Variants in RNF228 observed in about 807,000 individuals in gnomAD.
RNF228 encodes the protein ring finger protein 228.
chr2:222,317,479 T>A, the RNF228 span: 1 of 152,204 alleles, frequency 6.6e-6, no homozygotes, highest in African/African-American at 2.4e-5. Flanking sequence ...GATTCTGTGA[T>A]TTTTAAGCAT....
chr2:222,314,765 C>T, the RNF228 span, among the ~76,000 whole-genome samples: 26 of 152,308 alleles, frequency 1.7e-4, no homozygotes, highest in Middle Eastern at 3.4e-3. Context: ...TTTATTAAAA[C>T]GGCAAAGATT....
At chr2:222,316,767 A>G in the RNF228 span, among the ~76,000 whole-genome samples, 1 of 152,234 alleles carries the variant, frequency 6.6e-6, no homozygotes, top group Non-Finnish European at 1.5e-5. Context: ...CACTTGTGCA[A>G]CTCAACAGTT....
chr2:222,318,326 C>G, the RNF228 span: 1 of 152,314 alleles, frequency 6.6e-6, no homozygotes. Context: ...TCGGCCACTC[C>G]GAGTCGGCTC....
At chr2:222,319,747 G>A in the RNF228 span, among the ~76,000 whole-genome samples, 2 of 145,910 alleles carry the variant, frequency 1.4e-5, no homozygotes, top group East Asian at 4.0e-4. This position sits in a 1 kb window ranked among gnomAD's most constrained non-coding sequence, Gnocchi z 7.6. Context: ...GGCGGGCGCG[G>A]CGGGCGCTCA....
chr2:222,317,208 A>G, the RNF228 span: 1 of 152,230 alleles, frequency 6.6e-6, no homozygotes, highest in Non-Finnish European at 1.5e-5. Context: ...ATAATGGAGC[A>G]ATTTTACCAT....
At chr2:222,319,694 G>A in the RNF228 span, among the ~76,000 whole-genome samples, 1 of 145,798 alleles carries the variant, frequency 6.9e-6, no homozygotes, top group African/African-American at 2.5e-5. The surrounding 1 kb of genome is among the most constrained non-coding windows in gnomAD (Gnocchi z 7.6). Context: ...TGCGGTGGCG[G>A]CACACCGGGC....
At chr2:222,314,384 AAC>A in the RNF228 span, among the ~76,000 whole-genome samples, 4 of 152,368 alleles carry the variant, frequency 2.6e-5, no homozygotes, top group African/African-American at 9.6e-5. Flanking sequence ...TCATTCACAT[AAC>A]TTCAAACTAA....
chr2:222,314,162 C>A, the RNF228 span, among the ~76,000 whole-genome samples: 4 of 151,644 alleles, frequency 2.6e-5, no homozygotes, highest in African/African-American at 9.7e-5. Context: ...CTTACTTCTC[C>A]AAGTATATTT....
chr2:222,317,415 T>C, the RNF228 span: 1 of 152,244 alleles, frequency 6.6e-6, no homozygotes, highest in African/African-American at 2.4e-5. Flanking sequence ...AGTGTCAGGA[T>C]ATCATGCAGA....
the RNF228 span, among the ~76,000 whole-genome samples, chr2:222,316,756 G>A: frequency 1.3e-5 from 2 of 152,150 alleles, no homozygotes; most frequent in Non-Finnish European, 2.9e-5. Context: ...ATGTGTAGCT[G>A]CACTTGTGCA....
the RNF228 span, chr2:222,317,219 G>A: frequency 9.8e-5 from 15 of 152,312 alleles, no homozygotes; most frequent in African/African-American, 2.9e-4. Flanking sequence ...ATTTTACCAT[G>A]AAATTAATGT....
At chr2:222,314,986 C>T in the RNF228 span, among the ~76,000 whole-genome samples, 3 of 152,130 alleles carry the variant, frequency 2.0e-5, no homozygotes, top group Admixed American at 6.6e-5. Context: ...CCTTTAGTCT[C>T]TCTAGCGGTT....
chr2:222,315,822 C>T, the RNF228 span, among the ~76,000 whole-genome samples: 7 of 151,846 alleles, frequency 4.6e-5, no homozygotes, highest in South Asian at 6.2e-4. Context: ...ATGTTTAATT[C>T]GCCACCTGCA....
the RNF228 span, chr2:222,319,514 C>G: frequency 5.5e-5 from 1 of 18,120 alleles, no homozygotes. This position sits in a 1 kb window ranked among gnomAD's most constrained non-coding sequence, Gnocchi z 7.6. Flanking sequence ...GCGGCGGTGG[C>G]GGGGCCGGGG....
At chr2:222,319,074 G>C in the RNF228 span, 1 of 173,472 alleles carries the variant, frequency 5.8e-6, no homozygotes, top group South Asian at 1.7e-4. The surrounding 1 kb of genome is among the most constrained non-coding windows in gnomAD (Gnocchi z 7.6). Flanking sequence ...CCGTGCCCTC[G>C]GGCCGCCGCC....
the RNF228 span, among the ~76,000 whole-genome samples, chr2:222,320,115 T>G: frequency 4.0e-5 from 6 of 151,884 alleles, no homozygotes; most frequent in Non-Finnish European, 7.4e-5. Flanking sequence ...TTCCTCCCCC[T>G]GCACCGCCGC....
At chr2:222,319,749 G>T in the RNF228 span, among the ~76,000 whole-genome samples, 2 of 145,804 alleles carry the variant, frequency 1.4e-5, no homozygotes, top group African/African-American at 2.5e-5. The surrounding 1 kb of genome is among the most constrained non-coding windows in gnomAD (Gnocchi z 7.6). Context: ...CGGGCGCGGC[G>T]GGCGCTCAGG....
At chr2:222,314,424 C>T in the RNF228 span, among the ~76,000 whole-genome samples, 1 of 152,230 alleles carries the variant, frequency 6.6e-6, no homozygotes, top group African/African-American at 2.4e-5. Context: ...TTCTAACATT[C>T]ATTTCAGAAA....
the RNF228 span, chr2:222,319,505 C>T: frequency 2.3e-5 from 1 of 44,422 alleles, no homozygotes; most frequent in Non-Finnish European, 5.0e-5. This position sits in a 1 kb window ranked among gnomAD's most constrained non-coding sequence, Gnocchi z 7.6. Context: ...CGGGGGAGGG[C>T]GGCGGTGGCG....
Sources: gnomAD v4.1 joint callset for allele counts (sites outside exome capture counted in the v4.1 genomes callset) on GRCh38, gnomAD v4.1.1 for gene constraint, Gnocchi (gnomAD v3.1) non-coding constraint, MANE v1.5 for transcripts, NCBI Gene and HGNC (gene_info 2026-07-23, HGNC 2026-07-21) for gene names.